The following RWDD4 variants were observed in gnomAD, a reference collection of about 807,000 sequenced individuals.
The protein encoded by RWDD4 is RWD domain containing 4, also known as RWD domain-containing protein 4.
A neutral mutation model predicts 30.0 loss-of-function variants in RWDD4; 16 were observed. The ratio of observed to expected loss-of-function variants is 0.53; its 90% CI spans 0.36 to 0.81. The LOEUF is 0.81. Ranked by LOEUF, RWDD4 falls within the 30% of genes least tolerant of loss-of-function variation. RWDD4 has a pLI of 0.00. For synonymous variants in RWDD4, 45 were observed against 72.1 expected, an observed-to-expected ratio of 0.62 and a Z score of 1.90; for missense variants, 170 against 223.9, an observed-to-expected ratio of 0.76 and a Z score of 1.54.
In RWDD4 at chr4:183,649,534, G is replaced by A. The variant is rs750176154; in HGVS notation, c.398C>T (p.Pro133Leu). ...SISNIISIET[P>L]NTAPSSKKKD... Reference sequence around the variant, plus strand: ...TTTCTTACTTGATGGGGCTGTATTAGGAGTTTCAATTGAGATGATATTGCT... The same window carrying A: ...TTTCTTACTTGATGGGGCTGTATTAAGAGTTTCAATTGAGATGATATTGCT... The change falls in exon 5 of 8, where the codon CCT (proline) becomes CTT (leucine). Residue 133 changes from proline (P) to leucine (L), a missense_variant. Transcript: ENST00000326397. 22 of 1,608,326 alleles carry A rather than the reference G, an allele frequency of 1.4e-5. No individual in the cohort carries two copies. The East Asian group carries it at 4.2e-4, about 31-fold the overall frequency.
rs373875169 is a variant in RWDD4, at chr4:183,654,832, C to T, written c.105+1049G>A. Among the ~76,000 whole-genome samples the T allele has an allele frequency of 2.8e-4, 43 of 152,174 alleles. No homozygotes were observed. The East Asian group carries it at 7.3e-3, about 26-fold the overall frequency. ...CTTATTTTCTGTGATGGTCATCCAT[C>T]GATCATGCATAAGAATCATTTCTAA... On this transcript the variant is annotated intron_variant, in intron 2 of 7. Transcript: ENST00000326397.
At chr4:183,652,897 A>C (rs1037813105) in intron 2 of RWDD4, among the ~76,000 whole-genome samples, 1 of 151,786 alleles carries the variant, frequency 6.6e-6, no homozygotes, top group African/African-American at 2.4e-5. Flanking sequence ...GACTTTAAAA[A>C]ACTTTCTGTA....
intron 5 of RWDD4, 48 bp downstream of exon 5, chr4:183,649,403 A>G (rs148656509): frequency 0.014 from 17,593 of 1,245,556 alleles, 407 homozygotes; most frequent in African/African-American, 0.091. Context: ...AACAAGAGTG[A>G]GACTCTGTCA....
intron 7 of RWDD4, among the ~76,000 whole-genome samples, chr4:183,644,339 ACT>A (rs1415614485): frequency 6.6e-6 from 1 of 152,260 alleles, no homozygotes; most frequent in Non-Finnish European, 1.5e-5. Context: ...AGGAAGAAAT[ACT>A]GTGTCTCTTC....
At chr4:183,652,767 G>A (rs1404106919) in intron 2 of RWDD4, among the ~76,000 whole-genome samples, 3 of 147,944 alleles carry the variant, frequency 2.0e-5, no homozygotes, top group South Asian at 2.1e-4. Context: ...CCGAGATAGT[G>A]CCACTGCACT....
At chr4:183,654,553 A>G (rs574702758) in intron 2 of RWDD4, among the ~76,000 whole-genome samples, 2 of 152,288 alleles carry the variant, frequency 1.3e-5, no homozygotes, top group East Asian at 3.9e-4. Flanking sequence ...TGTCCATCTT[A>G]TAGTACATAT....
intron 1 of RWDD4, among the ~76,000 whole-genome samples, 196 bp downstream of exon 1, chr4:183,658,733 G>A (rs1035948773): frequency 6.6e-6 from 1 of 152,218 alleles, no homozygotes; most frequent in Non-Finnish European, 1.5e-5. Flanking sequence ...AAAAATGAGG[G>A]GGGAAGAGTG....
intron 1 of RWDD4, chr4:183,656,205 CA>C (rs1734190986): frequency 3.3e-6 from 1 of 299,798 alleles, no homozygotes; most frequent in South Asian, 1.4e-4. Context: ...GCTGACTTCT[CA>C]AATCAACCCT....
chr4:183,658,190 TTTAAA>T (rs368696640), intron 1 of RWDD4, among the ~76,000 whole-genome samples: 13 of 152,212 alleles, frequency 8.5e-5, no homozygotes, highest in African/African-American at 2.9e-4. Context: ...AGCATTATAC[TTTAAA>T]TTAACAGTGA....
At chr4:183,651,187 T>C (rs767361269) in intron 3 of RWDD4, 31 bp downstream of exon 3, 2 of 1,599,496 alleles carry the variant, frequency 1.3e-6, no homozygotes, top group Admixed American at 1.7e-5. Flanking sequence ...GAGAGTGAAA[T>C]GAAAAGCAGT....
At chr4:183,647,726 A>T (rs987720502) in intron 5 of RWDD4, among the ~76,000 whole-genome samples, 1 of 152,130 alleles carries the variant, frequency 6.6e-6, no homozygotes, top group Admixed American at 6.5e-5. Flanking sequence ...TAGACAACAA[A>T]CTGTAATGGC....
At chr4:183,649,694 T>C in intron 4 of RWDD4, 126 bp from the exon 5 acceptor site, 1 of 501,714 alleles carries the variant, frequency 2.0e-6, no homozygotes, top group South Asian at 3.0e-5. Flanking sequence ...TATATTATTA[T>C]GATTCATTTT....
chr4:183,656,411 C>G (rs1225196965), intron 1 of RWDD4, among the ~76,000 whole-genome samples: 3 of 152,150 alleles, frequency 2.0e-5, no homozygotes, highest in African/African-American at 7.2e-5. Flanking sequence ...TGTAATCCTT[C>G]CCACAGTGAT....
intron 1 of RWDD4, 55 bp from the exon 2 acceptor site, chr4:183,656,016 G>C: frequency 2.5e-6 from 3 of 1,215,930 alleles, no homozygotes; most frequent in African/African-American, 1.5e-5. Context: ...ATTAGAAATA[G>C]AGGGTCTTTA....
chr4:183,642,773 G>T (rs972118625), intron 7 of RWDD4, among the ~76,000 whole-genome samples: 1 of 151,954 alleles, frequency 6.6e-6, no homozygotes, highest in African/African-American at 2.4e-5. Context: ...TAAGAAAATG[G>T]GTTGGCTGGG....
intron 1 of RWDD4, among the ~76,000 whole-genome samples, chr4:183,656,703 TG>T (rs1734200995): frequency 1.3e-5 from 2 of 152,164 alleles, no homozygotes; most frequent in African/African-American, 4.8e-5. Context: ...ATGGTGAAAG[TG>T]GGCTTGATCT....
At chr4:183,647,953 G>A (rs1368237910) in intron 5 of RWDD4, among the ~76,000 whole-genome samples, 1 of 152,066 alleles carries the variant, frequency 6.6e-6, no homozygotes, top group Non-Finnish European at 1.5e-5. Context: ...CATTTAAAAG[G>A]CCCTCACCAG....
At chr4:183,649,228 A>T (rs896473216) in intron 5 of RWDD4, among the ~76,000 whole-genome samples, 3 of 152,188 alleles carry the variant, frequency 2.0e-5, no homozygotes, top group Admixed American at 6.5e-5. Context: ...AGCCTGGCCA[A>T]CATGGTGAAA....
In RWDD4 at chr4:183,641,359, A is replaced by G; in HGVS notation, c.*77T>C. 1 of 1,220,572 alleles carries G rather than the reference A, an allele frequency of 8.2e-7. No homozygotes were observed. The highest frequency in any genetic ancestry group is 1.3e-5 in the South Asian group (1 of 76,770). 75.6% of individuals were successfully genotyped at this position (1,220,572 alleles called of 1,614,324 possible). On this transcript the variant is annotated 3_prime_UTR_variant, in exon 8 of 8. Transcript: ENST00000326397. ...TTTTATAAAAAGTCGCCTCAATACC[A>G]GAAAATAGTAATGAAAGATTTTGAA...
Sources: gnomAD v4.1 joint callset for allele counts (sites outside exome capture counted in the v4.1 genomes callset) on GRCh38, gnomAD v4.1.1 for gene constraint, MANE v1.5 for transcripts, NCBI Gene and HGNC (gene_info 2026-07-23, HGNC 2026-07-21) for gene names.